NGEF: variants seen among roughly 807,000 people sequenced by gnomAD.
NGEF encodes neuronal guanine nucleotide exchange factor.
NGEF carries 31 observed loss-of-function variants against 80.9 expected under a neutral mutation model. The observed-to-expected ratio is 0.38, with a 90% CI of 0.29 to 0.52. The LOEUF is 0.52. Among genes scored for constraint, NGEF ranks in the 20% least tolerant of loss-of-function variants. The pLI, the probability that NGEF is intolerant of heterozygous loss-of-function variation, is 0.84. For missense variants in NGEF, 709 were observed against 926.2 expected (o/e 0.77, Z 3.04); for synonymous variants, 371 against 370.2 (o/e 1.00, Z -0.03).
At chr2:233,004,503 C>T (rs751733566) in intron 1 of NGEF, among the ~76,000 whole-genome samples, 5 of 152,230 alleles carry the variant, frequency 3.3e-5, no homozygotes, top group Non-Finnish European at 7.3e-5. Context: ...CTCCAGGGTC[C>T]TCTTCCTGTC....
Position 232,879,424 on chromosome 2 carries a change from C to A in NGEF, c.*65G>T, listed in dbSNP as rs868012160. ...TGCTGGCCTGTGCTTCCCAGAGCCC[C>A]CCCCCCCCCACCTTCTGTCGGGGTC... is the stretch of plus-strand genomic sequence containing the variant. On this transcript the variant is annotated 3_prime_UTR_variant, in exon 15 of 15. Coordinates refer to ENST00000264051, the MANE Select transcript of NGEF (RefSeq NM_019850.3). The A allele has an allele frequency of 1.9e-5, 21 of 1,128,138 alleles. No homozygotes were observed. The highest frequency in any genetic ancestry group is 1.6e-4 in the South Asian group (10 of 64,344). 69.9% of individuals were successfully genotyped at this position (1,128,138 alleles called of 1,614,324 possible).
intron 1 of NGEF, among the ~76,000 whole-genome samples, chr2:232,977,709 G>T (rs562736988): frequency 1.6e-4 from 25 of 152,130 alleles, no homozygotes; most frequent in Non-Finnish European, 3.5e-4. Flanking sequence ...CTGGACCGAG[G>T]AGCTCACCCA....
intron 5 of NGEF, among the ~76,000 whole-genome samples, chr2:232,907,971 G>C (rs911691368): frequency 2.6e-5 from 4 of 152,040 alleles, no homozygotes; most frequent in African/African-American, 9.7e-5. Flanking sequence ...TTAGCCAGGT[G>C]TTGTGGTGGG....
chr2:232,928,407 C>A (rs985432488), intron 3 of NGEF, among the ~76,000 whole-genome samples: 16 of 152,058 alleles, frequency 1.1e-4, no homozygotes, highest in African/African-American at 3.9e-4. Flanking sequence ...CCTTTGCCTG[C>A]CCCGCCCACT....
chr2:232,973,016 C>G (rs1694225944), intron 2 of NGEF, among the ~76,000 whole-genome samples: 1 of 152,114 alleles, frequency 6.6e-6, no homozygotes, highest in Non-Finnish European at 1.5e-5. Flanking sequence ...CTCGGCCTCC[C>G]AAAGTGCTGG....
In NGEF at chr2:232,882,265, C is replaced by T. The variant is rs889744504; in HGVS notation, c.1758G>A (p.Gln586=). 1 of 1,613,168 alleles carries T rather than the reference C, an allele frequency of 6.2e-7. No homozygotes were observed. The highest frequency in any genetic ancestry group is 1.3e-5 in the African/African-American group (1 of 74,936). Reference sequence around the variant, plus strand: ...AGGTCATCCAACGCTTCATCTCACTCCTGGCACAGGGAAGAGGACAGTGCC... The same window carrying T: ...AGGTCATCCAACGCTTCATCTCACTTCTGGCACAGGGAAGAGGACAGTGCC... ...EATYMLKASS[Q]SEMKRWMTSL... Residue 586 remains glutamine, a splice_region_variant and synonymous_variant, in exon 13 of 15, where the codon CAG becomes CAA. Coordinates refer to ENST00000264051, the MANE Select transcript of NGEF (RefSeq NM_019850.3).
At chr2:233,010,347 T>G (rs1316761250) in intron 1 of NGEF, among the ~76,000 whole-genome samples, 1 of 152,202 alleles carries the variant, frequency 6.6e-6, no homozygotes, top group Non-Finnish European at 1.5e-5. Context: ...CCTGGAGCAT[T>G]CATTCTGAGT....
At chr2:232,941,874 T>A (rs1451470955) in intron 3 of NGEF, among the ~76,000 whole-genome samples, 1 of 152,256 alleles carries the variant, frequency 6.6e-6, no homozygotes, top group Non-Finnish European at 1.5e-5. Context: ...GTAAATTACT[T>A]CTTGGCATTG....
At chr2:232,896,732 G>T (rs1692093530) in intron 5 of NGEF, among the ~76,000 whole-genome samples, 1 of 70,550 alleles carries the variant, frequency 1.4e-5, no homozygotes, top group Non-Finnish European at 2.7e-5. Context: ...GCAAAAGTAG[G>T]GGTGAGGGTG....
rs771858527 is a variant in NGEF at position 232,885,325 on chromosome 2, C to G, written c.1392G>C (p.Thr464=). ...TCTTCTGAATGCTGATCATCTGTTC[C>G]GTGCGGCTCATTTTCCTGACGCCCT... The part of the protein sequence containing the change: ...CNEGVRKMSR[T]EQMISIQKKM... Residue 464 remains threonine (T), a synonymous_variant, in exon 10 of 15, where the codon ACG becomes ACC. Transcript: ENST00000264051. 1 of 1,614,034 alleles carries G rather than the reference C, an allele frequency of 6.2e-7. No homozygotes were observed. Among genetic ancestry groups the G allele is most frequent in the Admixed American group, 1.7e-5 (1 of 60,004 alleles).
At chr2:233,000,784 C>A (rs1694959641) in intron 1 of NGEF, among the ~76,000 whole-genome samples, 1 of 151,184 alleles carries the variant, frequency 6.6e-6, no homozygotes. Flanking sequence ...ACGAAAAAAC[C>A]TAAATGCCTC....
chr2:232,885,444 A>C, intron 9 of NGEF, 75 bp from the exon 10 acceptor site: 1 of 1,272,406 alleles, frequency 7.9e-7, no homozygotes, highest in Non-Finnish European at 1.1e-6. Flanking sequence ...CGGTCAGGCC[A>C]CAGACAGGGC....
chr2:232,881,328 C>G (rs926087949), intron 13 of NGEF, 78 bp from the exon 14 acceptor site: 32 of 1,132,440 alleles, frequency 2.8e-5, no homozygotes, highest in Admixed American at 5.3e-5. Context: ...CGCAGCTGAG[C>G]CCTGCCTAGA....
intron 1 of NGEF, among the ~76,000 whole-genome samples, chr2:232,987,407 G>A (rs923008775): frequency 6.6e-6 from 1 of 152,160 alleles, no homozygotes; most frequent in Non-Finnish European, 1.5e-5. Context: ...CTGAGGGATC[G>A]GTGAGGGAGG....
intron 2 of NGEF, among the ~76,000 whole-genome samples, chr2:232,973,389 G>A (rs1353510258): frequency 6.6e-6 from 1 of 152,204 alleles, no homozygotes; most frequent in Non-Finnish European, 1.5e-5. Context: ...TGTTTGTGGT[G>A]GATGGCAACA....
intron 3 of NGEF, 112 bp downstream of exon 3, chr2:232,970,102 T>G: frequency 2.0e-6 from 1 of 494,828 alleles, no homozygotes; most frequent in Non-Finnish European, 3.5e-6. Flanking sequence ...AACCAAAAGT[T>G]ATTATTATTT....
chr2:232,995,733 TATAC>T (rs1694827045), intron 1 of NGEF, among the ~76,000 whole-genome samples: 1 of 146,050 alleles, frequency 6.8e-6, no homozygotes, highest in Non-Finnish European at 1.5e-5. Flanking sequence ...ATATTATACA[TATAC>T]ATATGCACAA....
intron 5 of NGEF, among the ~76,000 whole-genome samples, chr2:232,907,443 G>GCA (rs1692592517): frequency 6.6e-6 from 1 of 152,182 alleles, no homozygotes; most frequent in Non-Finnish European, 1.5e-5. Flanking sequence ...AGAAGTCACT[G>GCA]ATTTGGAACA....
intron 5 of NGEF, among the ~76,000 whole-genome samples, chr2:232,906,253 A>C (rs868207940): frequency 2.6e-5 from 2 of 76,456 alleles, no homozygotes; most frequent in African/African-American, 5.6e-5. Flanking sequence ...CAGCCGCCCC[A>C]TCCGGGAGGT....
Sources: gnomAD v4.1 joint callset for allele counts (sites outside exome capture counted in the v4.1 genomes callset) on GRCh38, gnomAD v4.1.1 for gene constraint, MANE v1.5 for transcripts, NCBI Gene and HGNC (gene_info 2026-07-23, HGNC 2026-07-21) for gene names.